GRIA2: variants seen among roughly 807,000 people sequenced by gnomAD.
GRIA2 encodes the protein glutamate receptor 2.
A neutral mutation model predicts 97.3 loss-of-function variants in GRIA2; 14 were observed. The ratio of observed to expected loss-of-function variants is 0.14; its 90% CI spans 0.10 to 0.23. The LOEUF (loss-of-function observed/expected upper bound fraction) is 0.23. GRIA2 is among the 10% of genes least tolerant of loss of function. GRIA2 has a pLI of 1.00. For synonymous variants in GRIA2, 412 were observed against 387.8 expected (o/e 1.06, Z -0.73); for missense variants, 558 against 1,069.8 (o/e 0.52, Z 6.67).
At position 157,333,491 on chromosome 4, in the gene GRIA2, G is replaced by GT. The variant is rs201857354; in HGVS notation, c.1155+147dup. 1,770 of 416,100 alleles carry GT rather than the reference G, an allele frequency of 4.3e-3. 5 individuals carry two copies. The highest frequency in any genetic ancestry group is 0.018 in the South Asian group (246 of 14,052). The allele number at this position is 416,100 out of a possible 1,614,324, so 25.8% of individuals were successfully genotyped here. A position where few individuals can be genotyped will look rare whatever the true frequency, so the allele number is the denominator to read the frequency against. ...CTTCCAGAAACAGATATATTTTGAA[G>GT]TTTTTTTTTCCTAAAGTCTGTTTAT... is the stretch of plus-strand genomic sequence containing the variant. On this transcript the variant is annotated intron_variant, in intron 8 of 15. Transcript: ENST00000264426.
At chr4:157,270,679 T>C (rs1038264991) in intron 2 of GRIA2, among the ~76,000 whole-genome samples, 1 of 152,072 alleles carries the variant, frequency 6.6e-6, no homozygotes, top group Non-Finnish European at 1.5e-5. Context: ...TGTAAGACTA[T>C]GACACCTTGT....
intron 2 of GRIA2, among the ~76,000 whole-genome samples, chr4:157,269,124 A>T (rs1308638519): frequency 6.6e-6 from 1 of 152,036 alleles, no homozygotes; most frequent in Non-Finnish European, 1.5e-5. Flanking sequence ...GTTGTTTTTT[A>T]TACTCTCCTC....
At chr4:157,230,767 A>C (rs906523369) in intron 2 of GRIA2, among the ~76,000 whole-genome samples, 7 of 152,134 alleles carry the variant, frequency 4.6e-5, no homozygotes, top group African/African-American at 1.7e-4. Context: ...TTTGTCAAAT[A>C]ATGGAAGCTA....
intron 2 of GRIA2, among the ~76,000 whole-genome samples, chr4:157,271,053 A>G (rs891093521): frequency 2.6e-5 from 4 of 152,070 alleles, no homozygotes; most frequent in Admixed American, 6.6e-5. Flanking sequence ...TAACCATATT[A>G]GAATATAGAT....
intron 2 of GRIA2, among the ~76,000 whole-genome samples, chr4:157,263,328 T>A (rs560968072): frequency 1.3e-5 from 2 of 152,178 alleles, no homozygotes; most frequent in South Asian, 4.1e-4. Flanking sequence ...TTCCTGAAAT[T>A]ATAAATATTA....
At chr4:157,330,055 A>G (rs1179592233) in intron 6 of GRIA2, among the ~76,000 whole-genome samples, 2 of 151,934 alleles carry the variant, frequency 1.3e-5, no homozygotes, top group Non-Finnish European at 2.9e-5. Context: ...TTACTGGGAA[A>G]CTGTCTACCT....
chr4:157,334,240 C>T (rs1735187089), intron 9 of GRIA2, 120 bp downstream of exon 9: 2 of 626,640 alleles, frequency 3.2e-6, no homozygotes, highest in Admixed American at 2.6e-5. Context: ...ATGTTTTAAT[C>T]ATTTATTTCA....
At chr4:157,303,861 G>C in intron 3 of GRIA2, 70 bp downstream of exon 3, 1 of 1,482,716 alleles carries the variant, frequency 6.7e-7, no homozygotes. Context: ...TTCTATGGAT[G>C]TTATAAAGCT....
intron 2 of GRIA2, among the ~76,000 whole-genome samples, chr4:157,265,712 G>C (rs964788112): frequency 1.3e-5 from 2 of 152,092 alleles, no homozygotes; most frequent in Non-Finnish European, 2.9e-5. Flanking sequence ...GCCGGAATAC[G>C]GAAAGCAGAT....
chr4:157,336,265 T>A (rs1735282061), intron 10 of GRIA2, 112 bp from the exon 11 acceptor site: 5 of 901,568 alleles, frequency 5.5e-6, no homozygotes, highest in South Asian at 1.7e-5. Flanking sequence ...AAGGAAAAAA[T>A]TATTGTCATT....
chr4:157,273,479 G>A (rs1251524415), intron 2 of GRIA2, among the ~76,000 whole-genome samples: 1 of 151,990 alleles, frequency 6.6e-6, no homozygotes, highest in Non-Finnish European at 1.5e-5. Context: ...GGCTTCAATG[G>A]CAAAAGTAAA....
Position 157,278,941 on chromosome 4 carries a change from G to C in GRIA2, c.230-24611G>C, listed in dbSNP as rs556407703. Among the ~76,000 whole-genome samples the C allele has an allele frequency of 5.9e-5, 9 of 152,114 alleles. No homozygotes were observed. The East Asian group carries it at 1.7e-3, about 30-fold the overall frequency. On this transcript the variant is annotated intron_variant, in intron 2 of 15. Coordinates refer to ENST00000264426, the MANE Select transcript of GRIA2 (RefSeq NM_001083619.3). ...TGCTTATTAGGATGTCTAATATCCA[G>C]AACACTGACAACACCAAATGCTGGT...
chr4:157,302,415 A>G (rs1733656196), intron 2 of GRIA2, among the ~76,000 whole-genome samples: 1 of 152,140 alleles, frequency 6.6e-6, no homozygotes. Context: ...ATATTTCACT[A>G]GTTGGGTAAG....
rs1736841772 is a variant in GRIA2, at chr4:157,365,441, C to T, written c.*2010C>T. ...TATACAATCAATGCTATTTATTGTA[C>T]CTCTGGGCCTACTCTTCTAAAAATT... On this transcript the variant is annotated 3_prime_UTR_variant, in exon 16 of 16. Transcript: ENST00000264426. 1 of 151,856 alleles carries T rather than the reference C, an allele frequency of 6.6e-6. No homozygotes were observed. The highest frequency in any genetic ancestry group is 2.4e-5 in the African/African-American group (1 of 41,348). The allele number at this position is 151,856 out of a possible 1,614,324, so 9.4% of individuals were successfully genotyped here. A position where few individuals can be genotyped will look rare whatever the true frequency, so the allele number is the denominator to read the frequency against.
chr4:157,343,351 G>T (rs1188539664), intron 12 of GRIA2, among the ~76,000 whole-genome samples: 2 of 152,198 alleles, frequency 1.3e-5, no homozygotes, highest in African/African-American at 2.4e-5. Context: ...CAGAAGCTCA[G>T]ATATTTTGGG....
At chr4:157,270,473 ATAACT>A (rs1254664353) in intron 2 of GRIA2, among the ~76,000 whole-genome samples, 24 of 152,178 alleles carry the variant, frequency 1.6e-4, no homozygotes, top group African/African-American at 5.8e-4. Context: ...GATTATTAAA[ATAACT>A]TAAATATCAC....
At chr4:157,256,569 TCA>T (rs1336325385) in intron 2 of GRIA2, among the ~76,000 whole-genome samples, 1 of 151,690 alleles carries the variant, frequency 6.6e-6, no homozygotes, top group Non-Finnish European at 1.5e-5. Flanking sequence ...GAAATTATGA[TCA>T]CACAGAACCA....
chr4:157,233,273 G>C (rs79752670), intron 2 of GRIA2, among the ~76,000 whole-genome samples: 1 of 151,996 alleles, frequency 6.6e-6, no homozygotes, highest in African/African-American at 2.4e-5. Flanking sequence ...GGTGTTACTC[G>C]AGTAGTACTT....
intron 11 of GRIA2, among the ~76,000 whole-genome samples, chr4:157,337,013 C>A (rs1223020889): frequency 1.3e-5 from 2 of 152,008 alleles, no homozygotes; most frequent in East Asian, 3.9e-4. Flanking sequence ...TCATTCCATG[C>A]CTTCTTGGAG....
Sources: gnomAD v4.1 joint callset for allele counts (sites outside exome capture counted in the v4.1 genomes callset) on GRCh38, gnomAD v4.1.1 for gene constraint, MANE v1.5 for transcripts, NCBI Gene and HGNC (gene_info 2026-07-23, HGNC 2026-07-21) for gene names.